Variants in ABHD3 observed in about 807,000 individuals in gnomAD.
The protein encoded by ABHD3 is abhydrolase domain containing 3, phospholipase, also known as phospholipase ABHD3.
ABHD3 carries 46 observed loss-of-function variants against 48.8 expected under a neutral mutation model. The ratio of observed to expected loss-of-function variants is 0.94; its 90% CI spans 0.74 to 1.20. The LOEUF (loss-of-function observed/expected upper bound fraction) is 1.20, where lower values mean the gene tolerates loss of function less well. Among genes scored for constraint, ABHD3 ranks in the 50% most tolerant of loss-of-function variants. The probability of loss-of-function intolerance (pLI) is 0.00; values close to 1 mark genes in which losing one functional copy is unlikely to be tolerated. For synonymous variants in ABHD3, 192 were observed against 183.7 expected (o/e 1.04, Z -0.36); for missense variants, 490 against 497.8 (o/e 0.98, Z 0.15).
intron 3 of ABHD3, chr18:21,701,630 A>G (rs2040515210): frequency 6.6e-6 from 1 of 152,196 alleles, no homozygotes; most frequent in Admixed American, 6.6e-5. Context: ...TATCAGCTAA[A>G]AAAAAAAGCT....
At position 21,702,438 on chromosome 18, in the gene ABHD3, GTTATCA is replaced by G; in HGVS notation, c.381_386del (p.Asp128_Asn129del). 3.1e-6 allele frequency: 5 copies of G among 1,613,522 alleles called. No homozygotes were observed. Among genetic ancestry groups the G allele is most frequent in the Non-Finnish European group, 4.2e-6 (5 of 1,179,730 alleles). ...TGCTGGCATCCATATAACACGTACT[GTTATCA>G]TTATCAAACCAGTCCAGTGAAATCT... On this transcript the variant is annotated inframe_deletion, in exon 3 of 9. Coordinates refer to ENST00000289119, the MANE Select transcript of ABHD3 (RefSeq NM_138340.5).
chr18:21,676,455 A>G (rs1036410488), intron 4 of ABHD3, among the ~76,000 whole-genome samples: 1 of 152,134 alleles, frequency 6.6e-6, no homozygotes, highest in Non-Finnish European at 1.5e-5. Flanking sequence ...CAGTGGTGTG[A>G]TCTTGGCTCA....
At chr18:21,675,262 GTTTTTTTTTTTT>G (rs61119109) in intron 4 of ABHD3, among the ~76,000 whole-genome samples, 2 of 85,476 alleles carry the variant, frequency 2.3e-5, no homozygotes, top group Admixed American at 3.3e-4. Flanking sequence ...AATGAGGTGG[GTTTTTTTTTTTT>G]TTTTTTTTTT....
At position 21,651,724 on chromosome 18, in the gene ABHD3, G is replaced by A; in HGVS notation, c.1097C>T (p.Ala366Val). ...GCCTCCATAAGAAGTAAGGACCAAA[G>A]CAACATTAGGATTTTGCTTAGCAGT... ...IETAKQNPNVALVLTSYGGHI... is the reference protein window; with the variant it reads ...IETAKQNPNVVLVLTSYGGHI... Residue 366 changes from alanine (A) to valine (V), a missense_variant, in exon 9 of 9, where the codon GCT becomes GTT. Ala to Val is a moderately conservative substitution (Grantham distance 64). Transcript: ENST00000289119. 1 of 1,599,930 alleles carries A rather than the reference G, an allele frequency of 6.3e-7. No homozygotes were observed. The highest frequency in any genetic ancestry group is 8.5e-7 in the Non-Finnish European group (1 of 1,172,984).
rs769919458 is a variant in ABHD3, at chr18:21,702,401, T to C, written c.424A>G (p.Ile142Val). Residue 142 changes from isoleucine to valine, a missense_variant, in exon 3 of 9, where the codon ATC (isoleucine) becomes GTC (valine). Transcript: ENST00000289119. Reference sequence around the variant, plus strand: ...CCCGTGAGGCCAGGCAACAATAAGATAGTAGGTCTGGTGCTGGCATCCATA... The same window carrying C: ...CCCGTGAGGCCAGGCAACAATAAGACAGTAGGTCTGGTGCTGGCATCCATA... ...CYMDASTRPT[I>V]LLLPGLTGTS... 6 of 1,613,946 alleles carry C rather than the reference T, an allele frequency of 3.7e-6. No individual in the cohort carries two copies. In the Admixed American group the frequency reaches 8.3e-5, roughly 22 times the overall value.
intron 3 of ABHD3, among the ~76,000 whole-genome samples, chr18:21,698,646 G>A (rs1568164656): frequency 6.7e-6 from 1 of 149,802 alleles, no homozygotes. Flanking sequence ...CAACCATCTC[G>A]GCCCACTGCA....
intron 3 of ABHD3, among the ~76,000 whole-genome samples, chr18:21,687,098 G>A (rs373427774): frequency 6.6e-6 from 1 of 150,854 alleles, no homozygotes; most frequent in Non-Finnish European, 1.5e-5. Flanking sequence ...TTGTAGAGAC[G>A]GGGTCTCCCT....
chr18:21,677,191 G>C (rs1255854514), intron 4 of ABHD3, among the ~76,000 whole-genome samples: 3 of 152,078 alleles, frequency 2.0e-5, no homozygotes, highest in South Asian at 2.1e-4. Flanking sequence ...ATGCATTCAA[G>C]ACTTCATTCC....
intron 4 of ABHD3, among the ~76,000 whole-genome samples, chr18:21,666,225 C>T (rs996512193): frequency 7.9e-5 from 12 of 151,916 alleles, no homozygotes; most frequent in African/African-American, 1.5e-4. Flanking sequence ...GACACAGTCT[C>T]GCTCTGTTGC....
chr18:21,683,927 T>C lies in ABHD3; in HGVS notation c.548A>G (p.Asn183Ser), dbSNP rs576647958. The change falls in exon 4 of 9, where the codon AAT becomes AGT. Residue 183 changes from asparagine (N) to serine (S), a missense_variant. Physicochemically the swap from Asn to Ser is conservative, Grantham distance 46. Coordinates refer to ENST00000289119, the MANE Select transcript of ABHD3 (RefSeq NM_138340.5). ...VFNNRGVAGE[N>S]LLTPRTYCCA... is the part of the protein sequence containing the mutation. ...TCATTTAAATTTACTTACCAAGAGA[T>C]TCTCCCCCGCCACTCCTCTGTTGTT... The C allele has an allele frequency of 1.3e-6, 2 of 1,595,920 alleles. No individual in the cohort carries two copies. The highest frequency in any genetic ancestry group is 2.3e-5 in the South Asian group (2 of 87,424).
At chr18:21,703,394 ATACCTGCAGCTGGGGTATT>A (rs2040559209) in intron 2 of ABHD3, among the ~76,000 whole-genome samples, 171 bp downstream of exon 2, 1 of 151,976 alleles carries the variant, frequency 6.6e-6, no homozygotes, top group African/African-American at 2.4e-5. Flanking sequence ...CAGGAGGCAA[ATACCTGCAGCTGGGGTATT>A]TTCCTGCAGC....
intron 3 of ABHD3, among the ~76,000 whole-genome samples, chr18:21,700,078 ATTTATTTATT>A (rs201276762): frequency 0.018 from 2,743 of 151,590 alleles, 86 homozygotes; most frequent in African/African-American, 0.063. Context: ...CATTGTTTTT[ATTTATTTATT>A]TTTATTTATT....
chr18:21,657,950 C>G (rs2039396908), intron 6 of ABHD3, among the ~76,000 whole-genome samples: 1 of 152,036 alleles, frequency 6.6e-6, no homozygotes, highest in South Asian at 2.1e-4. Context: ...GTAGTCCTAG[C>G]ACTTTGGGAG....
chr18:21,689,601 A>AAG (rs2040202365), intron 3 of ABHD3, among the ~76,000 whole-genome samples: 1 of 149,126 alleles, frequency 6.7e-6, no homozygotes, highest in Non-Finnish European at 1.5e-5. Flanking sequence ...CACAGGCTTG[A>AAG]AGAACTATTA....
chr18:21,686,481 A>C (rs901182194), intron 3 of ABHD3, among the ~76,000 whole-genome samples: 3 of 152,208 alleles, frequency 2.0e-5, no homozygotes, highest in African/African-American at 7.2e-5. Context: ...GAAAAAGATG[A>C]TCTGCAAACT....
chr18:21,676,793 C>A (rs1004223597), intron 4 of ABHD3, among the ~76,000 whole-genome samples: 27 of 152,116 alleles, frequency 1.8e-4, no homozygotes, highest in Non-Finnish European at 2.8e-4. Context: ...TTGGGCAGTG[C>A]TGCTTTAAAT....
intron 4 of ABHD3, 173 bp downstream of exon 4, chr18:21,683,747 T>C: frequency 2.2e-6 from 1 of 460,642 alleles, no homozygotes; most frequent in South Asian, 5.9e-5. Flanking sequence ...TCCTTGGTTA[T>C]ACAATTATCG....
At chr18:21,670,610 G>A (rs981748063) in intron 4 of ABHD3, among the ~76,000 whole-genome samples, 3 of 152,162 alleles carry the variant, frequency 2.0e-5, no homozygotes, top group African/African-American at 7.2e-5. Context: ...AGACCAATGG[G>A]ATACTGTTCT....
At chr18:21,667,433 G>A (rs2039660377) in intron 4 of ABHD3, among the ~76,000 whole-genome samples, 1 of 151,280 alleles carries the variant, frequency 6.6e-6, no homozygotes, top group Non-Finnish European at 1.5e-5. Context: ...TAGTAGAGAT[G>A]GGGTTTCTCC....
Sources: gnomAD v4.1 joint callset for allele counts (sites outside exome capture counted in the v4.1 genomes callset) on GRCh38, gnomAD v4.1.1 for gene constraint, MANE v1.5 for transcripts, NCBI Gene and HGNC (gene_info 2026-07-23, HGNC 2026-07-21) for gene names.